KCNK10: variants seen among roughly 807,000 people sequenced by gnomAD.
KCNK10 encodes the protein potassium channel subfamily K member 10.
KCNK10 carries 25 observed loss-of-function variants against 47.7 expected under a neutral mutation model. The observed-to-expected ratio is 0.52, with a 90% CI of 0.38 to 0.73. KCNK10 has a LOEUF of 0.73. Ranked by LOEUF, KCNK10 falls within the 30% of genes least tolerant of loss-of-function variation. The pLI is 0.00. For synonymous variants in KCNK10, 303 were observed against 285.6 expected, an observed-to-expected ratio of 1.06 and a Z score of -0.61; for missense variants, 563 against 714.5, an observed-to-expected ratio of 0.79 and a Z score of 2.42.
chr14:88,233,088 T>G (rs749180079), intron 3 of KCNK10, among the ~76,000 whole-genome samples: 2 of 152,228 alleles, frequency 1.3e-5, no homozygotes, highest in Non-Finnish European at 2.9e-5. Context: ...TGTATTGGGA[T>G]GTTCTCACTT....
At chr14:88,247,564 T>C (rs1470841483) in intron 2 of KCNK10, among the ~76,000 whole-genome samples, 1 of 152,212 alleles carries the variant, frequency 6.6e-6, no homozygotes, top group East Asian at 1.9e-4. Context: ...CAAGTTTTCA[T>C]TAGAACTTTA....
At chr14:88,278,246 G>A (rs761284836) in intron 1 of KCNK10, among the ~76,000 whole-genome samples, 3 of 152,144 alleles carry the variant, frequency 2.0e-5, no homozygotes, top group African/African-American at 4.8e-5. Context: ...CTGCTATACT[G>A]GTACAGAAGT....
intron 1 of KCNK10, among the ~76,000 whole-genome samples, chr14:88,292,452 C>A (rs1015738910): frequency 6.6e-6 from 1 of 151,948 alleles, no homozygotes; most frequent in Admixed American, 6.6e-5. Context: ...CGGGTTCAAG[C>A]GATTCTCCTG....
intron 1 of KCNK10, among the ~76,000 whole-genome samples, chr14:88,274,021 A>C (rs1433201202): frequency 6.6e-6 from 1 of 151,008 alleles, no homozygotes. Context: ...ATCTCTCCTC[A>C]CTGGCTCCCG....
At chr14:88,291,040 G>A (rs1172630418) in intron 1 of KCNK10, among the ~76,000 whole-genome samples, 2 of 152,172 alleles carry the variant, frequency 1.3e-5, no homozygotes, top group Admixed American at 6.5e-5. Flanking sequence ...GGCAGCACCT[G>A]GACTATTTTT....
chr14:88,240,576 C>T (rs41286550), intron 3 of KCNK10, 127 bp downstream of exon 3: 16,883 of 628,424 alleles, frequency 0.027, 295 homozygotes, highest in African/African-American at 0.051. Flanking sequence ...TTAATTTAAA[C>T]GACAGTGTTT....
chr14:88,274,786 T>G (rs1887492303), intron 1 of KCNK10, among the ~76,000 whole-genome samples: 1 of 152,146 alleles, frequency 6.6e-6, no homozygotes, highest in Non-Finnish European at 1.5e-5. Flanking sequence ...CATTTGTTTA[T>G]TCAACCAATG....
chr14:88,240,743 G>A lies in KCNK10; in HGVS notation c.480C>T (p.Gly160=). 6.2e-7 allele frequency: 1 copy of A among 1,613,740 alleles called. No homozygotes were observed. The highest frequency in any genetic ancestry group is 1.7e-5 in the Admixed American group (1 of 60,014). ...CAGTTCCAGCAAAGAAAAAGGCACT[G>A]CCGAGGTCCCAGTGGCTGCTGTTGT... is the stretch of plus-strand genomic sequence containing the variant. ...SSNNSSHWDL[G]SAFFFAGTVI... The change falls in exon 3 of 7, where the codon GGC becomes GGT. Residue 160 remains glycine, a synonymous_variant. Coordinates refer to ENST00000319231, the MANE Select transcript of KCNK10 (RefSeq NM_138317.3).
In KCNK10 at chr14:88,185,661, G is replaced by T. The variant is rs377384816; in HGVS notation, c.1506C>A (p.Asp502Glu). 2 of 1,614,106 alleles carry T rather than the reference G, an allele frequency of 1.2e-6. No individual in the cohort carries two copies. The highest frequency in any genetic ancestry group is 1.7e-6 in the Non-Finnish European group (2 of 1,180,052). ...CCGTCAGCATGGCTGTGCTGGAGTT[G>T]TCTGAGTTACACATCTTTTCCGTCT... ...EEETEKMCNSDNSSTAMLTDC... is the reference protein window; with the variant it reads ...EEETEKMCNSENSSTAMLTDC... The change falls in exon 7 of 7, where the codon GAC becomes GAA. Residue 502 changes from aspartate to glutamate, a missense_variant. By Grantham distance (45) the Asp-to-Glu change is conservative. Transcript: ENST00000319231. The surrounding 1 kb of genome is among the most constrained non-coding windows in gnomAD (Gnocchi z 4.3).
chr14:88,291,890 A>G (rs1477541203), intron 1 of KCNK10, among the ~76,000 whole-genome samples: 6 of 151,870 alleles, frequency 4.0e-5, no homozygotes, highest in Non-Finnish European at 8.8e-5. Flanking sequence ...GTCAGAAGCT[A>G]CATCAAAGCC....
At chr14:88,270,722 C>A (rs1005600703) in intron 1 of KCNK10, 2 of 780,926 alleles carry the variant, frequency 2.6e-6, no homozygotes, top group African/African-American at 1.7e-5. Context: ...TAGTCCAGAA[C>A]CCCATCTTCT....
chr14:88,254,136 A>C (rs1340593776), intron 2 of KCNK10, among the ~76,000 whole-genome samples: 1 of 152,082 alleles, frequency 6.6e-6, no homozygotes. Flanking sequence ...TCATGAACAG[A>C]CAGTGACCAT....
intron 4 of KCNK10, among the ~76,000 whole-genome samples, chr14:88,220,156 G>A (rs1415525832): frequency 6.6e-6 from 1 of 152,076 alleles, no homozygotes; most frequent in Non-Finnish European, 1.5e-5. Context: ...GGTGGCTCAC[G>A]CCTGTAATCC....
chr14:88,245,009 T>A (rs1487699281), intron 2 of KCNK10, among the ~76,000 whole-genome samples: 1 of 152,216 alleles, frequency 6.6e-6, no homozygotes, highest in African/African-American at 2.4e-5. Context: ...TTTAATTCCA[T>A]TCCTCCTTGA....
At chr14:88,188,815 G>C (rs1884653434) in intron 5 of KCNK10, among the ~76,000 whole-genome samples, 1 of 152,210 alleles carries the variant, frequency 6.6e-6, no homozygotes, top group South Asian at 2.1e-4. Context: ...CCAGTTGCCT[G>C]ATTGCATTGA....
intron 3 of KCNK10, among the ~76,000 whole-genome samples, chr14:88,228,180 T>C (rs868192655): frequency 5.4e-4 from 82 of 152,282 alleles, no homozygotes; most frequent in African/African-American, 1.9e-3. Context: ...CATCTCTGAG[T>C]CCTACCTCTC....
intron 3 of KCNK10, among the ~76,000 whole-genome samples, chr14:88,236,825 T>C (rs2139884992): frequency 6.6e-6 from 1 of 152,338 alleles, no homozygotes; most frequent in Middle Eastern, 3.4e-3. Context: ...ATTCTAATAA[T>C]AATCTGAGTT....
chr14:88,296,212 TG>T (rs1887981279), intron 1 of KCNK10, among the ~76,000 whole-genome samples: 1 of 152,222 alleles, frequency 6.6e-6, no homozygotes, highest in African/African-American at 2.4e-5. Flanking sequence ...GGAAACTGCA[TG>T]GCACACTGGA....
chr14:88,227,507 T>C lies in KCNK10; in HGVS notation c.549A>G (p.Glu183=), dbSNP rs780667608. 2 of 1,611,678 alleles carry C rather than the reference T, an allele frequency of 1.2e-6. No homozygotes were observed. The highest frequency in any genetic ancestry group is 2.2e-5 in the South Asian group (2 of 90,528). ...IGYGNIAPST[E]GGKIFCILYA... ...ATAAAATACAAAAGATTTTGCCTCC[T>C]TCAGTGCTCGGAGCAATATTCCCAT... Residue 183 remains glutamate, a synonymous_variant, in exon 4 of 7, where the codon GAA becomes GAG. Coordinates refer to ENST00000319231, the MANE Select transcript of KCNK10 (RefSeq NM_138317.3).
Sources: allele counts gnomAD v4.1 joint callset (sites outside exome capture counted in the v4.1 genomes callset), GRCh38; gene constraint gnomAD v4.1.1; non-coding constraint Gnocchi (gnomAD v3.1); transcripts MANE v1.5; gene names NCBI Gene and HGNC (gene_info 2026-07-23, HGNC 2026-07-21).